SHANK2: variants seen among roughly 807,000 people sequenced by gnomAD.
The protein encoded by SHANK2 is SH3 and multiple ankyrin repeat domains protein 2.
In SHANK2, 43 loss-of-function variants were observed where a neutral mutation model predicts 133.7. The ratio of observed to expected loss-of-function variants is 0.32; its 90% CI spans 0.25 to 0.41. The LOEUF is 0.41. Ranked by LOEUF, SHANK2 falls within the 10% of genes least tolerant of loss-of-function variation. The pLI, the probability that SHANK2 is intolerant of heterozygous loss-of-function variation, is 1.00. For synonymous variants in SHANK2, 1,017 were observed against 952.8 expected, an observed-to-expected ratio of 1.07 and a Z score of -1.24; for missense variants, 1,994 against 2,235.8, an observed-to-expected ratio of 0.89 and a Z score of 2.18.
intron 12 of SHANK2, among the ~76,000 whole-genome samples, chr11:70,810,214 G>C (rs782605415): frequency 1.3e-5 from 2 of 152,212 alleles, no homozygotes; most frequent in Non-Finnish European, 2.9e-5. Flanking sequence ...GCTCTGCAAG[G>C]GGAGCTGATG....
chr11:71,136,459 C>T lies in SHANK2; in HGVS notation c.207+10661G>A, dbSNP rs78664285. The stretch of plus-strand genomic sequence containing the variant: ...ATAATGTGTGTGCAGGAATGCAGAG[C>T]GTGGAATGATGGACACAGGAGACTC... On this transcript the variant is annotated intron_variant, in intron 3 of 25. Transcript: ENST00000601538. 3.9e-3 allele frequency among the ~76,000 whole-genome samples: 586 copies of T among 152,164 alleles called. 3 individuals carry two copies. The highest frequency in any genetic ancestry group is 8.8e-3 in the African/African-American group (367 of 41,486).
At chr11:71,227,331 T>G (rs763605131) in intron 1 of SHANK2, among the ~76,000 whole-genome samples, 36 of 152,112 alleles carry the variant, frequency 2.4e-4, no homozygotes, top group Non-Finnish European at 4.3e-4. Context: ...TATAAAAATT[T>G]GCTTCAAATA....
chr11:70,636,062 C>T (rs901469625), intron 17 of SHANK2, among the ~76,000 whole-genome samples: 2 of 152,260 alleles, frequency 1.3e-5, no homozygotes. Context: ...CTCAGCTCTA[C>T]CCTCCTCTTC....
At chr11:70,745,334 G>C (rs547557196) in intron 14 of SHANK2, among the ~76,000 whole-genome samples, 10 of 152,332 alleles carry the variant, frequency 6.6e-5, no homozygotes, top group African/African-American at 2.4e-4. Context: ...TCGGTTGAGT[G>C]GTCTCCACGT....
intron 2 of SHANK2, among the ~76,000 whole-genome samples, chr11:71,208,197 G>A (rs1954169200): frequency 6.6e-6 from 1 of 152,060 alleles, no homozygotes; most frequent in African/African-American, 2.4e-5. Context: ...TGTGGCAGGA[G>A]GGTGCCCTGG....
chr11:70,930,544 G>A (rs1250723957), intron 10 of SHANK2, among the ~76,000 whole-genome samples: 4 of 152,040 alleles, frequency 2.6e-5, no homozygotes, highest in Non-Finnish European at 5.9e-5. Context: ...TGGCCAATGT[G>A]AGCTGCTGAA....
intron 14 of SHANK2, among the ~76,000 whole-genome samples, chr11:70,795,045 C>T (rs1168116032): frequency 6.6e-6 from 1 of 152,146 alleles, no homozygotes; most frequent in East Asian, 1.9e-4. Flanking sequence ...GCAAGCAGAA[C>T]CCAGCAGGAA....
intron 17 of SHANK2, among the ~76,000 whole-genome samples, chr11:70,585,989 C>G (rs989368526): frequency 2.0e-5 from 3 of 152,174 alleles, no homozygotes; most frequent in Non-Finnish European, 4.4e-5. Context: ...ATGACAACCT[C>G]CCATAGGGAG....
chr11:70,909,924 A>C (rs12294102), intron 10 of SHANK2, among the ~76,000 whole-genome samples: 9,046 of 152,184 alleles, frequency 0.059, 881 homozygotes, highest in African/African-American at 0.21. Context: ...AGCCACAGAC[A>C]CTTATCATTT....
chr11:71,095,662 A>G (rs1169146286), intron 6 of SHANK2, among the ~76,000 whole-genome samples: 1 of 152,158 alleles, frequency 6.6e-6, no homozygotes, highest in Non-Finnish European at 1.5e-5. Flanking sequence ...CCTCCATCCC[A>G]GAAAGGGCAC....
intron 15 of SHANK2, among the ~76,000 whole-genome samples, chr11:70,675,343 A>C (rs1430628448): frequency 6.6e-6 from 1 of 152,180 alleles, no homozygotes; most frequent in East Asian, 1.9e-4. Flanking sequence ...TAACTAATTG[A>C]ATCCTCATAA....
intron 14 of SHANK2, among the ~76,000 whole-genome samples, chr11:70,719,905 T>G (rs781790476): frequency 6.6e-6 from 1 of 151,910 alleles, no homozygotes; most frequent in Non-Finnish European, 1.5e-5. Context: ...TTCCCTGAAG[T>G]CCTTAAATCC....
intron 14 of SHANK2, among the ~76,000 whole-genome samples, chr11:70,781,085 G>A (rs1220451943): frequency 1.3e-5 from 2 of 151,920 alleles, no homozygotes; most frequent in Non-Finnish European, 2.9e-5. Context: ...AAGGAGTGAG[G>A]GGTTCCATTC....
intron 11 of SHANK2, chr11:70,862,979 G>C (rs1029777944): frequency 6.7e-6 from 2 of 300,612 alleles, no homozygotes; most frequent in African/African-American, 4.3e-5. Flanking sequence ...GTGATTCAGG[G>C]ACTCAGGGAC....
At chr11:71,083,085 C>T (rs1224181599) in intron 8 of SHANK2, among the ~76,000 whole-genome samples, 3 of 152,194 alleles carry the variant, frequency 2.0e-5, no homozygotes, top group East Asian at 1.9e-4. Context: ...GCTGGGATTA[C>T]AGGAATGTGC....
intron 6 of SHANK2, among the ~76,000 whole-genome samples, chr11:71,108,055 C>T (rs1340859442): frequency 6.6e-6 from 1 of 152,192 alleles, no homozygotes; most frequent in East Asian, 1.9e-4. Flanking sequence ...GAGCCACGGC[C>T]AAAGGCTGCC....
intron 2 of SHANK2, among the ~76,000 whole-genome samples, chr11:71,205,078 G>A (rs1466340864): frequency 6.6e-6 from 1 of 152,140 alleles, no homozygotes; most frequent in Admixed American, 6.5e-5. Flanking sequence ...GAGGCAGGAA[G>A]GCCCCAAGTG....
intron 15 of SHANK2, among the ~76,000 whole-genome samples, chr11:70,664,118 T>A (rs1032035986): frequency 4.6e-5 from 7 of 152,190 alleles, no homozygotes; most frequent in Admixed American, 4.6e-4. Flanking sequence ...GGGGCTCTAC[T>A]GCCATGGATT....
chr11:70,749,693 A>G (rs1555037068), intron 14 of SHANK2, among the ~76,000 whole-genome samples: 1 of 152,244 alleles, frequency 6.6e-6, no homozygotes, highest in African/African-American at 2.4e-5. Context: ...TGAAAATGTT[A>G]AAGTTGAAAA....
Sources: allele counts gnomAD v4.1 joint callset (sites outside exome capture counted in the v4.1 genomes callset), GRCh38; gene constraint gnomAD v4.1.1; transcripts MANE v1.5; gene names NCBI Gene and HGNC (gene_info 2026-07-23, HGNC 2026-07-21).